SGCZ: variants seen among roughly 807,000 people sequenced by gnomAD.
SGCZ encodes sarcoglycan zeta.
Under a neutral mutation model 41.3 loss-of-function variants are expected in SGCZ, and 40 were observed. The observed-to-expected ratio is 0.97, with a 90% CI of 0.75 to 1.26. The LOEUF (loss-of-function observed/expected upper bound fraction) is 1.26. Ranked by LOEUF, SGCZ falls within the 50% of genes most tolerant of loss-of-function variation. SGCZ has a pLI of 0.00. For synonymous variants in SGCZ, 206 were observed against 137.5 expected (o/e 1.50, Z -3.49); for missense variants, 552 against 369.8 (o/e 1.49, Z -4.04).
intron 1 of SGCZ, among the ~76,000 whole-genome samples, chr8:15,222,621 G>C (rs564224720): frequency 6.6e-6 from 1 of 152,248 alleles, no homozygotes; most frequent in South Asian, 2.1e-4. Flanking sequence ...TTTTGCATTT[G>C]TGGTAAATAA....
chr8:14,542,916 A>G (rs1335014411), intron 2 of SGCZ, among the ~76,000 whole-genome samples: 2 of 152,018 alleles, frequency 1.3e-5, no homozygotes, highest in African/African-American at 4.8e-5. Flanking sequence ...TTAACAAATG[A>G]AGTTAATAAC....
rs960414392 is a variant in SGCZ at position 14,760,067 on chromosome 8, C to T, written c.40-205141G>A. ...TGCACAATTCCTCTAACTAACCCAC[C>T]ACCCGCCCCATGATGAGCACTGCTC... On this transcript the variant is annotated intron_variant, in intron 1 of 7. Transcript: ENST00000382080. 4.6e-5 allele frequency among the ~76,000 whole-genome samples: 7 copies of T among 152,120 alleles called. No individual in the cohort carries two copies. In the East Asian group the frequency reaches 1.3e-3, roughly 29 times the overall value.
intron 3 of SGCZ, chr8:14,309,276 T>C (rs1022051774): frequency 1.9e-6 from 3 of 1,554,774 alleles, no homozygotes; most frequent in East Asian, 2.2e-5. Context: ...AGTAATTTAA[T>C]GCCTGGCTGT....
chr8:15,175,049 C>T (rs1160502216), intron 1 of SGCZ, among the ~76,000 whole-genome samples: 2 of 127,258 alleles, frequency 1.6e-5, no homozygotes, highest in African/African-American at 5.1e-5. Context: ...AACCACCATA[C>T]CACATGTATA....
intron 1 of SGCZ, among the ~76,000 whole-genome samples, chr8:14,871,268 C>G (rs1043053587): frequency 6.6e-6 from 1 of 151,974 alleles, no homozygotes; most frequent in Non-Finnish European, 1.5e-5. Context: ...GAAACAGGAA[C>G]CCTTTTACAC....
intron 1 of SGCZ, among the ~76,000 whole-genome samples, chr8:14,856,218 G>C (rs1803540981): frequency 6.6e-6 from 1 of 152,118 alleles, no homozygotes; most frequent in Non-Finnish European, 1.5e-5. Context: ...GATAAGTTAT[G>C]ATTCAATGAA....
chr8:14,231,011 G>C lies in SGCZ; in HGVS notation c.424+6581C>G, dbSNP rs189721533. On this transcript the variant is annotated intron_variant, in intron 4 of 7. Transcript: ENST00000382080. ...GAAATTACTTTAAAAAATATATCCAGACTCAAATTATGTTGGAGTATATTG... is the reference window on the plus strand; with the variant it reads ...GAAATTACTTTAAAAAATATATCCACACTCAAATTATGTTGGAGTATATTG... 4.7e-4 allele frequency among the ~76,000 whole-genome samples: 71 copies of C among 151,918 alleles called. No homozygotes were observed. In the East Asian group the frequency reaches 7.5e-3, roughly 16 times the overall value.
At chr8:14,775,519 A>T (rs1800377371) in intron 1 of SGCZ, among the ~76,000 whole-genome samples, 1 of 151,070 alleles carries the variant, frequency 6.6e-6, no homozygotes, top group Non-Finnish European at 1.5e-5. Flanking sequence ...GGGAATAGAG[A>T]TCATGAGGAA....
chr8:14,408,133 T>C (rs1325426594), intron 2 of SGCZ, among the ~76,000 whole-genome samples: 2 of 151,868 alleles, frequency 1.3e-5, no homozygotes, highest in East Asian at 3.9e-4. Context: ...TAGGGCAGAG[T>C]AGTAGAAATT....
intron 1 of SGCZ, among the ~76,000 whole-genome samples, chr8:15,085,356 G>C (rs777598664): frequency 1.2e-4 from 19 of 152,280 alleles, no homozygotes; most frequent in African/African-American, 4.6e-4. Context: ...ATCAGTAAAG[G>C]TGATCATGTA....
intron 4 of SGCZ, among the ~76,000 whole-genome samples, chr8:14,223,757 G>A (rs1806282362): frequency 6.6e-6 from 1 of 152,036 alleles, no homozygotes. Flanking sequence ...AAAGATACTA[G>A]AACTAAATAT....
intron 4 of SGCZ, among the ~76,000 whole-genome samples, chr8:14,214,154 C>T (rs62492326): frequency 0.24 from 36,178 of 151,986 alleles, 5,537 homozygotes; most frequent in Non-Finnish European, 0.34. Context: ...TAATATTGTG[C>T]TACTTCTGTC....
intron 1 of SGCZ, among the ~76,000 whole-genome samples, chr8:15,100,398 T>TA (rs1470638215): frequency 1.3e-5 from 2 of 152,138 alleles, no homozygotes; most frequent in African/African-American, 4.8e-5. Flanking sequence ...TCTAATGCAA[T>TA]ATGTATGAAA....
chr8:14,650,723 T>A (rs1191519599), intron 1 of SGCZ, among the ~76,000 whole-genome samples: 2 of 152,050 alleles, frequency 1.3e-5, no homozygotes, highest in African/African-American at 2.4e-5. Context: ...AAGAGATTTG[T>A]TAGGACAAGG....
In SGCZ at chr8:14,275,963, G is replaced by T. The variant is rs75415415; in HGVS notation, c.337-38284C>A. 2.4e-3 allele frequency among the ~76,000 whole-genome samples: 360 copies of T among 152,306 alleles called. 1 individual carries two copies. Among genetic ancestry groups the T allele is most frequent in the Non-Finnish European group, 4.0e-3 (270 of 68,032 alleles). On this transcript the variant is annotated intron_variant, in intron 3 of 7. Transcript: ENST00000382080. Reference sequence around the variant, plus strand: ...GTGTCAAAACCTTTTAAATCTCTCAGGCTGAGTCAAAAACTGTTCACAGTG... The same window carrying T: ...GTGTCAAAACCTTTTAAATCTCTCATGCTGAGTCAAAAACTGTTCACAGTG...
chr8:14,778,170 C>T (rs1800471898), intron 1 of SGCZ, among the ~76,000 whole-genome samples: 1 of 152,088 alleles, frequency 6.6e-6, no homozygotes, highest in African/African-American at 2.4e-5. Context: ...TCAAGCGATC[C>T]TCCCTCGATC....
intron 4 of SGCZ, among the ~76,000 whole-genome samples, chr8:14,230,766 T>A (rs7461253): frequency 4.3e-5 from 4 of 92,754 alleles, no homozygotes; most frequent in Non-Finnish European, 9.0e-5. Flanking sequence ...TTGGTGGTGG[T>A]GGGGGGGTGG....
At chr8:14,299,745 T>C (rs1464031106) in intron 3 of SGCZ, among the ~76,000 whole-genome samples, 1 of 151,966 alleles carries the variant, frequency 6.6e-6, no homozygotes, top group Non-Finnish European at 1.5e-5. Flanking sequence ...AAAAAACTCA[T>C]CATTTCTTAC....
chr8:14,381,368 C>T (rs1804355582), intron 2 of SGCZ, among the ~76,000 whole-genome samples: 1 of 152,162 alleles, frequency 6.6e-6, no homozygotes, highest in Non-Finnish European at 1.5e-5. Flanking sequence ...GTCCAGCCAT[C>T]CTGATATTAA....
Sources: gnomAD v4.1 joint callset for allele counts (sites outside exome capture counted in the v4.1 genomes callset) on GRCh38, gnomAD v4.1.1 for gene constraint, MANE v1.5 for transcripts, NCBI Gene and HGNC (gene_info 2026-07-23, HGNC 2026-07-21) for gene names.